The following ASXL2 variants were observed in gnomAD, a reference collection of about 807,000 sequenced individuals.
ASXL2 encodes the protein ASXL transcriptional regulator 2.
Under a neutral mutation model 122.0 loss-of-function variants are expected in ASXL2, and 23 were observed. The observed-to-expected ratio is 0.19, with a 90% CI of 0.14 to 0.27. The LOEUF (loss-of-function observed/expected upper bound fraction) is 0.27, where lower values mean the gene tolerates loss of function less well. Among genes scored for constraint, ASXL2 ranks in the 10% least tolerant of loss-of-function variants. The pLI is 1.00. For synonymous variants in ASXL2, 650 were observed against 637.0 expected, an observed-to-expected ratio of 1.02 and a Z score of -0.31; for missense variants, 1,518 against 1,713.8, an observed-to-expected ratio of 0.89 and a Z score of 2.02.
At chr2:25,859,669 C>T (rs2089821745) in intron 1 of ASXL2, among the ~76,000 whole-genome samples, 1 of 152,180 alleles carries the variant, frequency 6.6e-6, no homozygotes, top group African/African-American at 2.4e-5. Flanking sequence ...AGTAAACAGA[C>T]TTTTCTTAAG....
chr2:25,809,596 C>T (rs949107623), intron 3 of ASXL2, among the ~76,000 whole-genome samples: 4 of 152,158 alleles, frequency 2.6e-5, no homozygotes, highest in African/African-American at 9.7e-5. Context: ...TGCTTCAGAG[C>T]TGTGGAATTA....
intron 8 of ASXL2, among the ~76,000 whole-genome samples, chr2:25,762,376 A>G (rs2088269363): frequency 6.6e-6 from 1 of 151,870 alleles, no homozygotes; most frequent in Non-Finnish European, 1.5e-5. Flanking sequence ...AAAGAAGAGT[A>G]AGAAAGAGGC....
At position 25,822,643 on chromosome 2, in the gene ASXL2, T is replaced by C. The variant is rs1257756945; in HGVS notation, c.143+12895A>G. The C allele has an allele frequency of 8.2e-5, 50 of 609,760 alleles. 1 individual carries two copies. The highest frequency in any genetic ancestry group is 5.3e-4 in the Middle Eastern group (1 of 1,904). 37.8% of individuals were successfully genotyped at this position (609,760 alleles called of 1,614,324 possible). On this transcript the variant is annotated intron_variant, in intron 3 of 12. Transcript: ENST00000435504. ...ATGAAGTTGATCTTTTTCACAGTAT[T>C]GATCCTAATGATTCCAAGCATAAAA...
intron 1 of ASXL2, among the ~76,000 whole-genome samples, chr2:25,864,144 G>A (rs1410094449): frequency 2.0e-5 from 3 of 152,070 alleles, no homozygotes; most frequent in Non-Finnish European, 2.9e-5. Context: ...TGAACCACTC[G>A]TTAACGGTGG....
At position 25,741,189 on chromosome 2, in the gene ASXL2, G is replaced by A. The variant is rs2087820392; in HGVS notation, c.*840C>T. 1 of 223,086 alleles carries A rather than the reference G, an allele frequency of 4.5e-6. No individual in the cohort carries two copies. The highest frequency in any genetic ancestry group is 1.8e-4 in the South Asian group (1 of 5,446). 13.8% of individuals were successfully genotyped at this position (223,086 alleles called of 1,614,324 possible). ...ATTGTTAGTTACCACGAATGACTAA[G>A]TGCGGGGATAGGGTATTTTTGCTGG... is the stretch of plus-strand genomic sequence containing the variant. On this transcript the variant is annotated 3_prime_UTR_variant, in exon 13 of 13. Coordinates refer to ENST00000435504, the MANE Select transcript of ASXL2 (RefSeq NM_018263.6).
At chr2:25,865,875 T>C (rs917903688) in intron 1 of ASXL2, among the ~76,000 whole-genome samples, 31 of 151,108 alleles carry the variant, frequency 2.1e-4, no homozygotes, top group Non-Finnish European at 7.4e-5. Flanking sequence ...TACATCACAA[T>C]GGTCTTAACT....
chr2:25,833,335 A>G (rs2089475506), intron 3 of ASXL2, among the ~76,000 whole-genome samples: 1 of 152,158 alleles, frequency 6.6e-6, no homozygotes, highest in Admixed American at 6.5e-5. Flanking sequence ...TTAATTTTCT[A>G]TAGTGAGCAA....
At chr2:25,818,920 G>C (rs1254770072) in intron 3 of ASXL2, among the ~76,000 whole-genome samples, 1 of 152,118 alleles carries the variant, frequency 6.6e-6, no homozygotes, top group African/African-American at 2.4e-5. Context: ...AAAGAACAAA[G>C]GTAAAGGGTC....
chr2:25,815,372 G>A (rs1291502941), intron 3 of ASXL2, among the ~76,000 whole-genome samples: 1 of 151,758 alleles, frequency 6.6e-6, no homozygotes, highest in Non-Finnish European at 1.5e-5. Flanking sequence ...CAACACTTCT[G>A]CTTGCAATGA....
intron 2 of ASXL2, among the ~76,000 whole-genome samples, chr2:25,837,969 A>C (rs1165367535): frequency 6.6e-6 from 1 of 151,662 alleles, no homozygotes; most frequent in Non-Finnish European, 1.5e-5. Context: ...AAAAAAAAAA[A>C]AAACACAAAA....
chr2:25,765,094 A>C (rs1324792514), intron 8 of ASXL2, among the ~76,000 whole-genome samples: 1 of 152,228 alleles, frequency 6.6e-6, no homozygotes. Context: ...AAGTTAATAA[A>C]AATGATACCA....
In ASXL2 at chr2:25,767,750, A is replaced by G. The variant is rs781036057; in HGVS notation, c.632-24T>C. 1.9e-6 allele frequency: 3 copies of G among 1,612,786 alleles called. No homozygotes were observed. The African/African-American group carries it at 4.0e-5, about 22-fold the overall frequency. Reference sequence around the variant, plus strand: ...TGCTAGGAGAAAAAAATACGTATAAAGACTGGTAGCACTGAGATTATAGAC... The same window carrying G: ...TGCTAGGAGAAAAAAATACGTATAAGGACTGGTAGCACTGAGATTATAGAC... On this transcript the variant is annotated intron_variant, in intron 7 of 12. Coordinates refer to ENST00000435504, the MANE Select transcript of ASXL2 (RefSeq NM_018263.6).
rs989491986 is a variant in ASXL2, at chr2:25,822,533, A to C, written c.143+13005T>G. The C allele has an allele frequency of 5.0e-5, 24 of 484,766 alleles. No homozygotes were observed. The Admixed American group carries it at 6.2e-4, about 13-fold the overall frequency. The allele number at this position is 484,766 out of a possible 1,614,324, so 30.0% of individuals were successfully genotyped here. ...TATGTCTTCACTGAATTCTGTGAAC[A>C]CAGTAAGGATGTTCATGTAAATTTT... On this transcript the variant is annotated intron_variant, in intron 3 of 12. Coordinates refer to ENST00000435504, the MANE Select transcript of ASXL2 (RefSeq NM_018263.6).
At position 25,742,632 on chromosome 2, in the gene ASXL2, T is replaced by C; in HGVS notation, c.3705A>G (p.Ile1235Met). The C allele has an allele frequency of 6.2e-7, 1 of 1,614,006 alleles. No homozygotes were observed. Among genetic ancestry groups the C allele is most frequent in the Admixed American group, 1.7e-5 (1 of 60,022 alleles). The part of the protein sequence containing the change: ...CLASKNVKAE[I>M]PLNEQTTLSK... ...TTAAAGTGGTTTGCTCATTCAATGG[T>C]ATCTCAGCCTTCACATTCTTGCTAG... The change falls in exon 13 of 13, where the codon ATA becomes ATG. Residue 1235 changes from isoleucine to methionine, a missense_variant. Coordinates refer to ENST00000435504, the MANE Select transcript of ASXL2 (RefSeq NM_018263.6).
chr2:25,842,769 CGTGTGTGTGTGT>C (rs70950126), intron 2 of ASXL2, among the ~76,000 whole-genome samples: 5 of 145,122 alleles, frequency 3.4e-5, no homozygotes, highest in Non-Finnish European at 6.0e-5. Flanking sequence ...CGTGTGTGCA[CGTGTGTGTGTGT>C]GTGTGTGTGT....
chr2:25,841,946 C>CAAA (rs1201875464), intron 2 of ASXL2, among the ~76,000 whole-genome samples: 1 of 56,252 alleles, frequency 1.8e-5, no homozygotes, highest in Non-Finnish European at 3.7e-5. Flanking sequence ...GACTCTGTCT[C>CAAA]AAAAAAAAAA....
At position 25,742,953 on chromosome 2, in the gene ASXL2, A is replaced by G. The variant is rs1233973691; in HGVS notation, c.3384T>C (p.Ile1128=). 1.2e-6 allele frequency: 2 copies of G among 1,613,882 alleles called. No homozygotes were observed. The highest frequency in any genetic ancestry group is 1.7e-6 in the Non-Finnish European group (2 of 1,179,910). ...TCTCTGAGCCCCGGCCGTAGGTAGA[A>G]ATATTCAGTAAGTAGTGCCCTGCCA... ...PAMAGHYLLN[I]STYGRGSESF... Residue 1128 remains isoleucine, a synonymous_variant, in exon 13 of 13, where the codon ATT becomes ATC. Transcript: ENST00000435504.
intron 1 of ASXL2, among the ~76,000 whole-genome samples, chr2:25,874,235 T>G (rs967134993): frequency 6.6e-6 from 1 of 152,058 alleles, no homozygotes; most frequent in Non-Finnish European, 1.5e-5. Context: ...ATGCCTGTAA[T>G]CCCATCACAC....
At chr2:25,813,802 G>C (rs1231209334) in intron 3 of ASXL2, among the ~76,000 whole-genome samples, 1 of 152,216 alleles carries the variant, frequency 6.6e-6, no homozygotes, top group African/African-American at 2.4e-5. Context: ...TGTAATCCCA[G>C]CACTTTGGGA....
Sources: allele counts gnomAD v4.1 joint callset (sites outside exome capture counted in the v4.1 genomes callset), GRCh38; gene constraint gnomAD v4.1.1; transcripts MANE v1.5; gene names NCBI Gene and HGNC (gene_info 2026-07-23, HGNC 2026-07-21).